SRCIN1: variants seen among roughly 807,000 people sequenced by gnomAD.
SRCIN1 encodes the protein SRC kinase signaling inhibitor 1.
SRCIN1 carries 50 observed loss-of-function variants against 116.2 expected under a neutral mutation model. That is an observed-to-expected ratio of 0.43 (90% confidence interval 0.34 to 0.54). The LOEUF (loss-of-function observed/expected upper bound fraction) is 0.54, where lower values mean the gene tolerates loss of function less well. SRCIN1 is among the 20% of genes least tolerant of loss of function. The pLI is 0.02. For synonymous variants in SRCIN1, 736 were observed against 750.0 expected (o/e 0.98, Z 0.30); for missense variants, 1,446 against 1,672.0 (o/e 0.86, Z 2.36).
chr17:38,581,050 G>A (rs1451223784), intron 1 of SRCIN1, among the ~76,000 whole-genome samples: 1 of 152,002 alleles, frequency 6.6e-6, no homozygotes, highest in Non-Finnish European at 1.5e-5. Context: ...GCCCAGGCTG[G>A]TCTCAACCTC....
chr17:38,535,267 G>A (rs2040985387), intron 18 of SRCIN1, among the ~76,000 whole-genome samples: 1 of 138,280 alleles, frequency 7.2e-6, no homozygotes, highest in African/African-American at 2.9e-5. Context: ...GGAGTACAAT[G>A]GCGCAATCTT....
chr17:38,562,358 G>C lies in SRCIN1; in HGVS notation c.835-30C>G. On this transcript the variant is annotated intron_variant, in intron 6 of 18. Transcript: ENST00000617146. The surrounding 1 kb of genome is among the most constrained non-coding windows in gnomAD (Gnocchi z 4.2). ...GCAGAAGACAGCCCGGAACCCCACG[G>C]GGCTGGTCACCAAGGACACCCCTGT... 7.1e-7 allele frequency: 1 copy of C among 1,414,742 alleles called. No homozygotes were observed. The highest frequency in any genetic ancestry group is 9.1e-7 in the Non-Finnish European group (1 of 1,093,666). The allele number at this position is 1,414,742 out of a possible 1,614,324, so 87.6% of individuals were successfully genotyped here. A position where few individuals can be genotyped will look rare whatever the true frequency, so the allele number is the denominator to read the frequency against.
rs756682367 is a variant in SRCIN1 at position 38,551,199 on chromosome 17, T to C, written c.2918A>G (p.Gln973Arg). The C allele has an allele frequency of 6.3e-7, 1 of 1,595,642 alleles. No individual in the cohort carries two copies. Among genetic ancestry groups the C allele is most frequent in the South Asian group, 1.1e-5 (1 of 90,384 alleles). Residue 973 changes from glutamine to arginine, a missense_variant, in exon 15 of 19, where the codon CAG becomes CGG. By Grantham distance (43) the Gln-to-Arg change is conservative. This residue lies in a region of SRCIN1 where 531 missense variants were observed against 633.9 expected (regional missense o/e 0.84). Transcript: ENST00000617146. ...GGGCTCCGTTCGGGGGGCTGCCTTC[T>C]GGCCGTGGGGGGCCTTGGGGGGCTT... ...DHKPPKAPHG[Q>R]KAAPRTEPSG... is the part of the protein sequence containing the mutation.
chr17:38,556,377 C>G (rs1300275976), intron 11 of SRCIN1, among the ~76,000 whole-genome samples: 1 of 151,720 alleles, frequency 6.6e-6, no homozygotes, highest in Non-Finnish European at 1.5e-5. Flanking sequence ...TCAGCAGAGG[C>G]TGCACCTAAA....
At chr17:38,540,855 A>G (rs1904693351) in intron 18 of SRCIN1, among the ~76,000 whole-genome samples, 1 of 152,184 alleles carries the variant, frequency 6.6e-6, no homozygotes, top group Admixed American at 6.5e-5. Flanking sequence ...TAGAGGTGAC[A>G]GAAGTCACAA....
chr17:38,571,350 C>T (rs1334402337), intron 2 of SRCIN1, among the ~76,000 whole-genome samples: 1 of 152,150 alleles, frequency 6.6e-6, no homozygotes, highest in Non-Finnish European at 1.5e-5. Flanking sequence ...GAATGAATGT[C>T]AATAAAATAG....
At chr17:38,557,083 T>A (rs1905853681) in intron 11 of SRCIN1, among the ~76,000 whole-genome samples, 1 of 152,242 alleles carries the variant, frequency 6.6e-6, no homozygotes, top group Non-Finnish European at 1.5e-5. Flanking sequence ...CCTAGAGTGA[T>A]GGGGTGGCCC....
Position 38,604,866 on chromosome 17 carries a change from C to T in SRCIN1, c.22+818G>A, listed in dbSNP as rs1172295754. On this transcript the variant is annotated intron_variant, in intron 1 of 18. Transcript: ENST00000617146. This position sits in a 1 kb window ranked among gnomAD's most constrained non-coding sequence, Gnocchi z 4.3. ...CTGCCTTCCCTATCTTCTCACTCAC[C>T]CTAGATGCCCTCCCCAGCTGGGGGC... 6.6e-6 allele frequency among the ~76,000 whole-genome samples: 1 copy of T among 151,602 alleles called. No individual in the cohort carries two copies. Among genetic ancestry groups the T allele is most frequent in the Non-Finnish European group, 1.5e-5 (1 of 67,790 alleles).
At chr17:38,601,628 ACACACACACG>A (rs1365107918) in intron 1 of SRCIN1, among the ~76,000 whole-genome samples, 3 of 117,182 alleles carry the variant, frequency 2.6e-5, no homozygotes, top group Non-Finnish European at 5.8e-5. Context: ...CTCAACACAT[ACACACACACG>A]CACACACACA....
upstream of SRCIN1, among the ~76,000 whole-genome samples, chr17:38,606,512 C>T (rs1909376275): frequency 6.6e-6 from 1 of 152,158 alleles, no homozygotes; most frequent in African/African-American, 2.4e-5. This position sits in a 1 kb window ranked among gnomAD's most constrained non-coding sequence, Gnocchi z 5.2. Context: ...GGCTCCCCGG[C>T]GCCCCCTGCT....
intron 11 of SRCIN1, among the ~76,000 whole-genome samples, chr17:38,556,041 A>G (rs1003739707): frequency 6.6e-6 from 1 of 152,198 alleles, no homozygotes; most frequent in Admixed American, 6.5e-5. Context: ...AACCTGGGCA[A>G]GCTCTGCAAA....
At chr17:38,549,292 C>G in intron 15 of SRCIN1, 82 bp from the exon 16 acceptor site, 3 of 1,353,666 alleles carry the variant, frequency 2.2e-6, no homozygotes, top group Non-Finnish European at 2.9e-6. Flanking sequence ...GGGGATAAAC[C>G]TTGCTTCTTC....
rs1448794551 is a variant in SRCIN1, at chr17:38,563,323, C to T, written c.740G>A (p.Arg247Gln). Residue 247 changes from arginine (R) to glutamine (Q), a missense_variant and splice_region_variant, in exon 5 of 19, where the codon CGG becomes CAG. Physicochemically the swap from Arg to Gln is conservative, Grantham distance 43 (BLOSUM62 1). Around this residue, in one of 5 missense-constraint regions of SRCIN1, gnomAD observed 239 missense variants for 317.7 expected, o/e 0.75. Coordinates refer to ENST00000617146, the MANE Select transcript of SRCIN1 (RefSeq NM_025248.3). This position sits in a 1 kb window ranked among gnomAD's most constrained non-coding sequence, Gnocchi z 5.8. Reference protein sequence around the residue: ...RNVFYELEDVRDIQDRSIIKI... With the variant: ...RNVFYELEDVQDIQDRSIIKI... ...CAAATCCCCCCCGGTCCACGCCCACCGGACGTCCTCCAGCTCGTAGAAGAC... is the reference window on the plus strand; with the variant it reads ...CAAATCCCCCCCGGTCCACGCCCACTGGACGTCCTCCAGCTCGTAGAAGAC... 6.4e-7 allele frequency: 1 copy of T among 1,569,424 alleles called. No homozygotes were observed.
intron 1 of SRCIN1, among the ~76,000 whole-genome samples, chr17:38,586,543 AGGGGTG>A (rs1182479229): frequency 6.7e-6 from 1 of 148,990 alleles, no homozygotes; most frequent in Non-Finnish European, 1.5e-5. Flanking sequence ...TCCCTTCCCC[AGGGGTG>A]GGGGTAAGAA....
At chr17:38,550,321 C>T (rs947301813) in intron 15 of SRCIN1, among the ~76,000 whole-genome samples, 1 of 151,934 alleles carries the variant, frequency 6.6e-6, no homozygotes, top group Non-Finnish European at 1.5e-5. Context: ...GGTGAGACCC[C>T]ATCTCTACTA....
intron 1 of SRCIN1, among the ~76,000 whole-genome samples, chr17:38,597,155 T>C (rs1908770720): frequency 1.3e-5 from 2 of 152,172 alleles, no homozygotes; most frequent in Non-Finnish European, 2.9e-5. Flanking sequence ...AACATCGACA[T>C]CCCAGGGAGA....
chr17:38,548,416 G>T, intron 17 of SRCIN1, 141 bp downstream of exon 17: 1 of 976,782 alleles, frequency 1.0e-6, no homozygotes, highest in Non-Finnish European at 1.5e-6. Context: ...GGAGGCAAAA[G>T]GCTGGGGTCT....
At position 38,551,998 on chromosome 17, in the gene SRCIN1, T is replaced by G; in HGVS notation, c.2615A>C (p.His872Pro). ...MPPPSPPLNLHELSGPAEGAS... is the reference protein window; with the variant it reads ...MPPPSPPLNLPELSGPAEGAS... ...TCCTTCAGCTGGCCCGCTCAGCTCA[T>G]GCAGGTTCAGCGGGGGGCTGGGGGG... Residue 872 changes from histidine (H) to proline (P), a missense_variant, in exon 14 of 19, where the codon CAT (histidine) becomes CCT (proline). Physicochemically the swap from His to Pro is moderately conservative, Grantham distance 77. Around this residue, in one of 5 missense-constraint regions of SRCIN1, gnomAD observed 531 missense variants for 633.9 expected, o/e 0.84. Transcript: ENST00000617146. 6.2e-7 allele frequency: 1 copy of G among 1,613,988 alleles called. No homozygotes were observed. Among genetic ancestry groups the G allele is most frequent in the Non-Finnish European group, 8.5e-7 (1 of 1,179,884 alleles).
chr17:38,569,868 G>A (rs1906964870), intron 2 of SRCIN1, among the ~76,000 whole-genome samples: 1 of 152,136 alleles, frequency 6.6e-6, no homozygotes, highest in Non-Finnish European at 1.5e-5. Flanking sequence ...ACTGTGGCCT[G>A]GGGAAGGGGA....
Sources: allele counts gnomAD v4.1 joint callset (sites outside exome capture counted in the v4.1 genomes callset), GRCh38; gene constraint gnomAD v4.1.1; regional missense constraint gnomAD v4.1.1; non-coding constraint Gnocchi (gnomAD v3.1); transcripts MANE v1.5; gene names NCBI Gene and HGNC (gene_info 2026-07-23, HGNC 2026-07-21).